The following ZNF292 variants were observed in gnomAD, a reference collection of about 807,000 sequenced individuals.
ZNF292 encodes the protein 16 zinc-finger domain protein.
In ZNF292, 26 loss-of-function variants were observed where a neutral mutation model predicts 217.9. The observed-to-expected ratio is 0.12, with a 90% CI of 0.09 to 0.17. The LOEUF (loss-of-function observed/expected upper bound fraction) is 0.17. Ranked by LOEUF, ZNF292 falls within the 10% of genes least tolerant of loss-of-function variation. The pLI is 1.00. For synonymous variants in ZNF292, 1,257 were observed against 1,124.1 expected (o/e 1.12, Z -2.37); for missense variants, 2,904 against 3,175.2 (o/e 0.91, Z 2.05).
chr6:87,215,196 ATC>A (rs1562145956), intron 1 of ZNF292: 1 of 151,872 alleles, frequency 6.6e-6, no homozygotes, highest in African/African-American at 2.4e-5. Context: ...ATTATCTCCC[ATC>A]TCTTATTCAG....
chr6:87,226,340 T>G (rs1448464095), intron 4 of ZNF292, among the ~76,000 whole-genome samples: 1 of 152,020 alleles, frequency 6.6e-6, no homozygotes, highest in African/African-American at 2.4e-5. Context: ...CATTTTAAAG[T>G]GAAAATGGAA....
At chr6:87,206,322 C>T (rs1368550065) in intron 1 of ZNF292, among the ~76,000 whole-genome samples, 1 of 137,180 alleles carries the variant, frequency 7.3e-6, no homozygotes, top group East Asian at 2.1e-4. Flanking sequence ...ATCTACCACA[C>T]TTCCCACCCT....
chr6:87,245,233 C>T (rs2127842761), intron 6 of ZNF292, among the ~76,000 whole-genome samples: 1 of 150,708 alleles, frequency 6.6e-6, no homozygotes, highest in Middle Eastern at 3.4e-3. Context: ...GTGAGACTGT[C>T]TCAGAAAAAA....
At chr6:87,159,495 C>CTTTT (rs772140637) in intron 1 of ZNF292, among the ~76,000 whole-genome samples, 7 of 124,448 alleles carry the variant, frequency 5.6e-5, no homozygotes, top group Admixed American at 1.6e-4. Context: ...TCTTTTCTTT[C>CTTTT]TTTTTTTTTT....
chr6:87,160,539 A>G (rs1380423493), intron 1 of ZNF292, among the ~76,000 whole-genome samples: 1 of 150,632 alleles, frequency 6.6e-6, no homozygotes, highest in Non-Finnish European at 1.5e-5. Flanking sequence ...ACCTAGGTTT[A>G]GATGTTACAG....
intron 1 of ZNF292, among the ~76,000 whole-genome samples, chr6:87,180,029 A>G (rs1041622487): frequency 8.5e-5 from 13 of 152,172 alleles, no homozygotes; most frequent in African/African-American, 3.1e-4. Flanking sequence ...TTGATCTGCA[A>G]TATTGGAGCC....
intron 1 of ZNF292, among the ~76,000 whole-genome samples, chr6:87,186,262 A>C (rs1012614348): frequency 6.6e-6 from 1 of 152,216 alleles, no homozygotes; most frequent in Admixed American, 6.5e-5. Context: ...TAGTTACAAA[A>C]AGTATTTTTT....
chr6:87,247,641 C>T (rs1207683478), intron 7 of ZNF292, among the ~76,000 whole-genome samples: 1 of 152,086 alleles, frequency 6.6e-6, no homozygotes, highest in African/African-American at 2.4e-5. Context: ...TCAACACAGG[C>T]GTCTCATAAA....
intron 7 of ZNF292, among the ~76,000 whole-genome samples, chr6:87,252,395 C>T (rs1387768787): frequency 6.6e-6 from 1 of 152,096 alleles, no homozygotes; most frequent in Non-Finnish European, 1.5e-5. Context: ...TCACATGATC[C>T]ACCTGCCTCA....
At chr6:87,238,434 C>T (rs1235613279) in intron 5 of ZNF292, among the ~76,000 whole-genome samples, 1 of 149,688 alleles carries the variant, frequency 6.7e-6, no homozygotes, top group Admixed American at 6.7e-5. Flanking sequence ...TGCGGTGAGT[C>T]GAGATCGCAC....
At chr6:87,240,057 G>C (rs1223738733) in intron 5 of ZNF292, among the ~76,000 whole-genome samples, 1 of 152,128 alleles carries the variant, frequency 6.6e-6, no homozygotes, top group Non-Finnish European at 1.5e-5. Context: ...TCCAGCCTGG[G>C]CAACATTGAG....
intron 4 of ZNF292, chr6:87,223,506 T>A (rs770203958): frequency 1.3e-5 from 2 of 152,344 alleles, no homozygotes; most frequent in East Asian, 3.9e-4. Context: ...GAAATTACAA[T>A]GTGCAGCCCA....
intron 1 of ZNF292, among the ~76,000 whole-genome samples, chr6:87,210,163 C>G (rs1247117326): frequency 6.6e-6 from 1 of 152,070 alleles, no homozygotes; most frequent in Non-Finnish European, 1.5e-5. Context: ...CTAGACTCTG[C>G]TTATTTAAAT....
At chr6:87,163,401 C>T (rs1357972287) in intron 1 of ZNF292, among the ~76,000 whole-genome samples, 1 of 151,656 alleles carries the variant, frequency 6.6e-6, no homozygotes, top group South Asian at 2.1e-4. Flanking sequence ...CAGTGAGCCA[C>T]GATGGCGCCA....
chr6:87,249,059 AAGC>A (rs747575423), intron 7 of ZNF292, among the ~76,000 whole-genome samples: 29 of 152,234 alleles, frequency 1.9e-4, no homozygotes, highest in Non-Finnish European at 3.8e-4. Flanking sequence ...GTATATAAAA[AAGC>A]AGTTAAAAGT....
At chr6:87,173,111 G>C (rs894671520) in intron 1 of ZNF292, among the ~76,000 whole-genome samples, 1 of 151,866 alleles carries the variant, frequency 6.6e-6, no homozygotes, top group Admixed American at 6.6e-5. Context: ...GAGAGTGACA[G>C]CAGCTCTTAC....
At chr6:87,192,616 C>T (rs1771850430) in intron 1 of ZNF292, among the ~76,000 whole-genome samples, 1 of 152,168 alleles carries the variant, frequency 6.6e-6, no homozygotes, top group African/African-American at 2.4e-5. Context: ...ATTCTGTACA[C>T]AGACATAGAT....
intron 5 of ZNF292, among the ~76,000 whole-genome samples, chr6:87,241,399 G>T (rs1774276972): frequency 6.6e-6 from 1 of 150,978 alleles, no homozygotes; most frequent in Non-Finnish European, 1.5e-5. Flanking sequence ...ATATTGTGAT[G>T]AAGTGGAAAG....
At chr6:87,170,831 A>G (rs1426388728) in intron 1 of ZNF292, among the ~76,000 whole-genome samples, 1 of 152,120 alleles carries the variant, frequency 6.6e-6, no homozygotes, top group Non-Finnish European at 1.5e-5. Flanking sequence ...TTGGCATGCC[A>G]CTTGTAGCTT....
Sources: gnomAD v4.1 joint callset for allele counts (sites outside exome capture counted in the v4.1 genomes callset) on GRCh38, gnomAD v4.1.1 for gene constraint, MANE v1.5 for transcripts, NCBI Gene and HGNC (gene_info 2026-07-23, HGNC 2026-07-21) for gene names.